The following SORCS2 variants were observed in gnomAD, a reference collection of about 807,000 sequenced individuals.
The protein encoded by SORCS2 is VPS10 domain-containing receptor SorCS2.
In SORCS2, 100 loss-of-function variants were observed where a neutral mutation model predicts 141.6. That is an observed-to-expected ratio of 0.71 (90% CI 0.60 to 0.83). The LOEUF (loss-of-function observed/expected upper bound fraction) is 0.83, where lower values mean the gene tolerates loss of function less well. SORCS2 is among the 40% of genes least tolerant of loss of function. The pLI is 0.00. For synonymous variants in SORCS2, 789 were observed against 676.9 expected (o/e 1.17, Z -2.57); for missense variants, 1,646 against 1,560.2 (o/e 1.05, Z -0.93).
intron 1 of SORCS2, among the ~76,000 whole-genome samples, chr4:7,380,899 C>A (rs556548650): frequency 2.0e-5 from 3 of 152,096 alleles, no homozygotes; most frequent in Non-Finnish European, 4.4e-5. Context: ...CTGGCCAACA[C>A]GGTGAAACCC....
At chr4:7,657,973 CTGAG>C (rs773184392) in intron 5 of SORCS2, among the ~76,000 whole-genome samples, 3 of 148,620 alleles carry the variant, frequency 2.0e-5, no homozygotes, top group South Asian at 2.2e-4. Flanking sequence ...GAATGAGTGA[CTGAG>C]TGAGTCTGTG....
chr4:7,610,776 C>A (rs1398563835), intron 3 of SORCS2, among the ~76,000 whole-genome samples: 1 of 152,190 alleles, frequency 6.6e-6, no homozygotes, highest in Non-Finnish European at 1.5e-5. Context: ...TAGTCCAGTG[C>A]AGTCAGCACT....
intron 1 of SORCS2, among the ~76,000 whole-genome samples, chr4:7,289,584 G>C (rs1051056184): frequency 2.0e-5 from 3 of 152,224 alleles, no homozygotes; most frequent in African/African-American, 7.2e-5. Context: ...ATTGGCAGCA[G>C]CTGCCACAGA....
chr4:7,491,713 T>C (rs558501981), intron 2 of SORCS2, among the ~76,000 whole-genome samples: 1 of 152,330 alleles, frequency 6.6e-6, no homozygotes, highest in South Asian at 2.1e-4. Flanking sequence ...CCCATGCTCC[T>C]CTGAGCCCCT....
At position 7,423,560 on chromosome 4, in the gene SORCS2, GT is replaced by G. The variant is rs1037877061; in HGVS notation, c.548+27206del. Among the ~76,000 whole-genome samples the G allele has an allele frequency of 1.2e-3, 182 of 152,314 alleles. 1 individual carries two copies. Among genetic ancestry groups the G allele is most frequent in the African/African-American group, 4.1e-3 (172 of 41,562 alleles). ...CTCCCTAAGTGCTGGTGTTACTGGTGTGCACCACCACACCCAGCTGAGACTG... is the reference window on the plus strand; with the variant it reads ...CTCCCTAAGTGCTGGTGTTACTGGTGGCACCACCACACCCAGCTGAGACTG... On this transcript the variant is annotated intron_variant, in intron 2 of 26. Transcript: ENST00000507866.
Position 7,737,157 on chromosome 4 carries a change from C to G in SORCS2, c.3400C>G (p.Gln1134Glu), listed in dbSNP as rs1172413711. 1 of 1,551,348 alleles carries G rather than the reference C, an allele frequency of 6.4e-7. No individual in the cohort carries two copies. Among genetic ancestry groups the G allele is most frequent in the South Asian group, 1.2e-5 (1 of 84,058 alleles). Residue 1134 changes from glutamine (Q) to glutamate (E), a missense_variant, in exon 26 of 27, where the codon CAG becomes GAG. Transcript: ENST00000507866. ...CCCTGTGAGTCACAGTGAGGACGTC[C>G]AGGGCGCTGTCCAGGGTGAGGAGTT... ...TSPVSHSEDV[Q>E]GAVQGNHSGV...
chr4:7,692,877 C>G (rs1246193860), intron 11 of SORCS2, among the ~76,000 whole-genome samples: 3 of 152,208 alleles, frequency 2.0e-5, no homozygotes, highest in Admixed American at 6.5e-5. Flanking sequence ...GCATTCCAGT[C>G]TCTGGGGCCC....
chr4:7,331,306 G>C (rs956061001), intron 1 of SORCS2, among the ~76,000 whole-genome samples: 1 of 152,164 alleles, frequency 6.6e-6, no homozygotes, highest in Admixed American at 6.5e-5. Context: ...TTGGGGTGCA[G>C]GTCTTCACTC....
chr4:7,489,500 G>A (rs556616250), intron 2 of SORCS2, among the ~76,000 whole-genome samples: 7 of 152,132 alleles, frequency 4.6e-5, no homozygotes, highest in Admixed American at 2.6e-4. Context: ...GATGTCTCTC[G>A]GTGGTAAATA....
Position 7,733,390 on chromosome 4 carries a change from G to T in SORCS2, c.3177G>T (p.Arg1059=), listed in dbSNP as rs982473780. The T allele has an allele frequency of 6.3e-7, 1 of 1,592,638 alleles. No homozygotes were observed. Among genetic ancestry groups the T allele is most frequent in the Non-Finnish European group, 8.5e-7 (1 of 1,170,168 alleles). Residue 1059 remains arginine, a synonymous_variant, in exon 24 of 27, where the codon CGG becomes CGT. Transcript: ENST00000507866. ...KISFLLRGGV[R]VLVALRDTGT... ...GCTTCCTCCTGCGAGGCGGAGTCCG[G>T]GTCCTGGTGGCCCTGCGGGACACAG...
intron 1 of SORCS2, among the ~76,000 whole-genome samples, chr4:7,303,680 C>T (rs974814139): frequency 3.4e-4 from 52 of 152,242 alleles, no homozygotes; most frequent in African/African-American, 1.2e-3. Context: ...GGCGAGCTGC[C>T]CACCAGCCTG....
intron 3 of SORCS2, among the ~76,000 whole-genome samples, chr4:7,541,226 T>C (rs1712624297): frequency 6.6e-6 from 1 of 152,126 alleles, no homozygotes; most frequent in African/African-American, 2.4e-5. Context: ...TGGCCTCCGG[T>C]GGTGTAGGGG....
chr4:7,397,843 C>T (rs187805593), intron 2 of SORCS2, among the ~76,000 whole-genome samples: 28 of 152,286 alleles, frequency 1.8e-4, no homozygotes, highest in African/African-American at 6.0e-4. Context: ...GGTGACAAAG[C>T]GGACGGAGAT....
chr4:7,696,225 G>A (rs1196702932), intron 11 of SORCS2, among the ~76,000 whole-genome samples: 2 of 152,118 alleles, frequency 1.3e-5, no homozygotes, highest in Non-Finnish European at 2.9e-5. Context: ...AGTCACCCAG[G>A]GTGGGGCCTC....
rs1171639407 is a variant in SORCS2 at position 7,433,065 on chromosome 4, G to A, written c.548+36710G>A. 1.5e-5 allele frequency: 5 copies of A among 344,716 alleles called. No homozygotes were observed. In the East Asian group the frequency reaches 2.2e-4, roughly 15 times the overall value. The allele number at this position is 344,716 out of a possible 1,614,324, so 21.4% of individuals were successfully genotyped here. A position where few individuals can be genotyped will look rare whatever the true frequency, so the allele number is the denominator to read the frequency against. The stretch of plus-strand genomic sequence containing the variant: ...GCCTTGGAGATGAGAGGGCAGCCTT[G>A]GCTGGGTCAGGGAGCGGGGCACATG... On this transcript the variant is annotated intron_variant, in intron 2 of 26. Transcript: ENST00000507866.
intron 3 of SORCS2, among the ~76,000 whole-genome samples, chr4:7,628,405 G>A (rs1182438076): frequency 1.3e-5 from 2 of 151,926 alleles, no homozygotes; most frequent in African/African-American, 4.8e-5. Context: ...TGTAGTCCCA[G>A]CTACTAGGGA....
chr4:7,640,990 G>A (rs756997457), intron 4 of SORCS2, among the ~76,000 whole-genome samples: 45 of 152,278 alleles, frequency 3.0e-4, no homozygotes, highest in African/African-American at 7.2e-4. Context: ...ATCTGTCTAC[G>A]TAGGTCAGCT....
chr4:7,725,353 C>T (rs1727143777), intron 20 of SORCS2, 66 bp downstream of exon 20: 1 of 1,544,592 alleles, frequency 6.5e-7, no homozygotes, highest in Admixed American at 1.9e-5. Flanking sequence ...CACAGTGGGG[C>T]AGAGCATGGC....
At chr4:7,392,811 G>A (rs2109103657) in intron 1 of SORCS2, among the ~76,000 whole-genome samples, 1 of 152,110 alleles carries the variant, frequency 6.6e-6, no homozygotes, top group East Asian at 1.9e-4. Context: ...TGGCTCTGCT[G>A]TGTGCGATGC....
Sources: allele counts gnomAD v4.1 joint callset (sites outside exome capture counted in the v4.1 genomes callset), GRCh38; gene constraint gnomAD v4.1.1; transcripts MANE v1.5; gene names NCBI Gene and HGNC (gene_info 2026-07-23, HGNC 2026-07-21).